The following SIGLEC8 variants were observed in gnomAD, a reference collection of about 807,000 sequenced individuals.
The protein encoded by SIGLEC8 is sialic acid binding Ig like lectin 8.
In SIGLEC8, 32 loss-of-function variants were observed where a neutral mutation model predicts 42.1. The observed-to-expected ratio is 0.76, with a 90% CI of 0.57 to 1.02. SIGLEC8 has a LOEUF of 1.02. Among genes scored for constraint, SIGLEC8 ranks in the 50% least tolerant of loss-of-function variants. The probability of loss-of-function intolerance (pLI) is 0.00; values close to 1 mark genes in which losing one functional copy is unlikely to be tolerated. For synonymous variants in SIGLEC8, 262 were observed against 260.3 expected (o/e 1.01, Z -0.06); for missense variants, 611 against 610.2 (o/e 1.00, Z -0.01).
At chr19:51,455,867 C>T (rs949752408) in intron 3 of SIGLEC8, among the ~76,000 whole-genome samples, 180 bp from the exon 4 acceptor site, 4 of 152,160 alleles carry the variant, frequency 2.6e-5, no homozygotes, top group African/African-American at 4.8e-5. Flanking sequence ...AAATGTGGCA[C>T]ATATACACCA....
At position 51,454,453 on chromosome 19, in the gene SIGLEC8, C is replaced by G; in HGVS notation, c.1149-138G>C. ...CGGCGGTGGTCCAGTTCCAGAGACC[C>G]CAACGGTGAAAACAGAGGCTCCTGC... On this transcript the variant is annotated intron_variant, in intron 5 of 6. Transcript: ENST00000321424. This position sits in a 1 kb window ranked among gnomAD's most constrained non-coding sequence, Gnocchi z 4.7. 1 of 1,501,264 alleles carries G rather than the reference C, an allele frequency of 6.7e-7. No homozygotes were observed. The highest frequency in any genetic ancestry group is 9.1e-7 in the Non-Finnish European group (1 of 1,104,180). 93.0% of individuals were successfully genotyped at this position (1,501,264 alleles called of 1,614,324 possible). A position where few individuals can be genotyped will look rare whatever the true frequency, so the allele number is the denominator to read the frequency against.
Position 51,458,166 on chromosome 19 carries a change from G to A in SIGLEC8, c.222C>T (p.Tyr74=). ...GYWFRAGDRP[Y]QDAPVATNNP... The stretch of plus-strand genomic sequence containing the variant: ...TGTTTGTGGCCACTGGAGCGTCTTG[G>A]TATGGTCTGTCTCCTGCCCGGAACC... The change falls in exon 1 of 7, where the codon TAC becomes TAT. Residue 74 remains tyrosine, a synonymous_variant. Transcript: ENST00000321424. 5 of 1,614,106 alleles carry A rather than the reference G, an allele frequency of 3.1e-6. No individual in the cohort carries two copies. The highest frequency in any genetic ancestry group is 4.2e-6 in the Non-Finnish European group (5 of 1,180,016).
Position 51,454,426 on chromosome 19 carries a change from A to C in SIGLEC8, c.1149-111T>G. On this transcript the variant is annotated intron_variant, in intron 5 of 6. Coordinates refer to ENST00000321424, the MANE Select transcript of SIGLEC8 (RefSeq NM_014442.3). The surrounding 1 kb of genome is among the most constrained non-coding windows in gnomAD (Gnocchi z 4.7). ...GGGGCTTGAGGGGTGACCGAGGCGC[A>C]ACGGCGGTGGTCCAGTTCCAGAGAC... 6.3e-7 allele frequency: 1 copy of C among 1,583,420 alleles called. No homozygotes were observed. The highest frequency in any genetic ancestry group is 2.2e-5 in the East Asian group (1 of 44,494).
intron 6 of SIGLEC8, chr19:51,453,951 T>A: frequency 1.0e-6 from 1 of 983,426 alleles, no homozygotes; most frequent in African/African-American, 1.8e-5. Context: ...GGAGGAAAAA[T>A]GGAGGAGAGA....
rs892350899 is a variant in SIGLEC8, at chr19:51,454,336, G to A, written c.1149-21C>T. Reference sequence around the variant, plus strand: ...TCACTCTGAGTGAAGAGACCAGAGAGCCTTTCAGTGTGGTCAGATCGGGGT... The same window carrying A: ...TCACTCTGAGTGAAGAGACCAGAGAACCTTTCAGTGTGGTCAGATCGGGGT... On this transcript the variant is annotated intron_variant, in intron 5 of 6. Transcript: ENST00000321424. This position sits in a 1 kb window ranked among gnomAD's most constrained non-coding sequence, Gnocchi z 4.7. The A allele has an allele frequency of 6.2e-7, 1 of 1,612,758 alleles. No homozygotes were observed. Among genetic ancestry groups the A allele is most frequent in the African/African-American group, 1.3e-5 (1 of 74,978 alleles).
Position 51,454,551 on chromosome 19 carries a change from C to G in SIGLEC8, c.1148+133G>C. 1 of 1,006,438 alleles carries G rather than the reference C, an allele frequency of 9.9e-7. No homozygotes were observed. Among genetic ancestry groups the G allele is most frequent in the Admixed American group, 2.2e-5 (1 of 45,070 alleles). 62.3% of individuals were successfully genotyped at this position (1,006,438 alleles called of 1,614,324 possible). A position where few individuals can be genotyped will look rare whatever the true frequency, so the allele number is the denominator to read the frequency against. On this transcript the variant is annotated intron_variant, in intron 5 of 6. Transcript: ENST00000321424. The surrounding 1 kb of genome is among the most constrained non-coding windows in gnomAD (Gnocchi z 4.7). ...GACAAGGACGCTCGTGAAATGCTCA[C>G]CGTGCACCCGTGAGCTCATTCTTGC...
At chr19:51,456,444 T>G (rs559694316) in intron 3 of SIGLEC8, among the ~76,000 whole-genome samples, 1 of 152,312 alleles carries the variant, frequency 6.6e-6, no homozygotes, top group South Asian at 2.1e-4. Flanking sequence ...ACTGGTATAT[T>G]TTGCTTTTAG....
In SIGLEC8 at chr19:51,452,463, C is replaced by G; in HGVS notation, c.1416G>C (p.Glu472Asp). 1 of 1,612,912 alleles carries G rather than the reference C, an allele frequency of 6.2e-7. No homozygotes were observed. Among genetic ancestry groups the G allele is most frequent in the Non-Finnish European group, 8.5e-7 (1 of 1,178,976 alleles). The change falls in exon 7 of 7, where the codon GAG becomes GAC. Residue 472 changes from glutamate (E) to aspartate (D), a missense_variant. By Grantham distance (45) the Glu-to-Asp change is conservative (BLOSUM62 2). Transcript: ENST00000321424. ...GQEATDSEYS[E>D]IKIHKRETAE... ...CAGTTTCTCGCTTGTGGATCTTGATCTCCGAGTATTCACTGTCAGTGGCCT... is the reference window on the plus strand; with the variant it reads ...CAGTTTCTCGCTTGTGGATCTTGATGTCCGAGTATTCACTGTCAGTGGCCT...
intron 1 of SIGLEC8, 77 bp from the exon 2 acceptor site, chr19:51,457,816 G>C: frequency 6.5e-7 from 1 of 1,547,628 alleles, no homozygotes; most frequent in Non-Finnish European, 8.7e-7. Context: ...CTCTGGTCCA[G>C]CTCCTCCCCG....
In SIGLEC8 at chr19:51,455,530, C is replaced by T; in HGVS notation, c.939G>A (p.Leu313=). The change falls in exon 4 of 7, where the codon CTG becomes CTA. Residue 313 remains leucine (L), a synonymous_variant. Coordinates refer to ENST00000321424, the MANE Select transcript of SIGLEC8 (RefSeq NM_014442.3). The part of the protein sequence containing the change: ...CPSRSSNPGL[L]ELPRVHVRDE... ...CCCTCACGTGCACTCGAGGCAGCTCCAGCAGCCCAGGGTTTGAGGACCGTG... is the reference window on the plus strand; with the variant it reads ...CCCTCACGTGCACTCGAGGCAGCTCTAGCAGCCCAGGGTTTGAGGACCGTG... 1 of 1,614,120 alleles carries T rather than the reference C, an allele frequency of 6.2e-7. No homozygotes were observed.
intron 3 of SIGLEC8, among the ~76,000 whole-genome samples, chr19:51,456,346 G>A (rs1422109215): frequency 2.0e-5 from 3 of 152,170 alleles, no homozygotes; most frequent in Non-Finnish European, 4.4e-5. Flanking sequence ...GCAGGAAAAC[G>A]CACACTCAGT....
At chr19:51,452,764 A>G (rs1989396510) in intron 6 of SIGLEC8, 131 bp from the exon 7 acceptor site, 2 of 801,738 alleles carry the variant, frequency 2.5e-6, no homozygotes, top group Non-Finnish European at 3.5e-6. Context: ...AGTGTCTTTC[A>G]TGCTTTCCTC....
chr19:51,456,524 G>A (rs1046852915), intron 3 of SIGLEC8, among the ~76,000 whole-genome samples: 1 of 152,210 alleles, frequency 6.6e-6, no homozygotes, highest in Non-Finnish European at 1.5e-5. Context: ...CAGTTTCTGC[G>A]GAAGGATATT....
At position 51,452,353 on chromosome 19, in the gene SIGLEC8, T is replaced by C; in HGVS notation, c.*26A>G. ...GGTGACCTACTGCATAGCATGGGGCTCTAGAGGGTTCTTGTTCTATGAGAA... is the reference window on the plus strand; with the variant it reads ...GGTGACCTACTGCATAGCATGGGGCCCTAGAGGGTTCTTGTTCTATGAGAA... On this transcript the variant is annotated 3_prime_UTR_variant, in exon 7 of 7. Coordinates refer to ENST00000321424, the MANE Select transcript of SIGLEC8 (RefSeq NM_014442.3). The C allele has an allele frequency of 6.3e-7, 1 of 1,576,554 alleles. No individual in the cohort carries two copies. Among genetic ancestry groups the C allele is most frequent in the Non-Finnish European group, 8.7e-7 (1 of 1,151,414 alleles).
intron 6 of SIGLEC8, chr19:51,453,507 C>T (rs181625991): frequency 2.2e-5 from 12 of 538,180 alleles, no homozygotes; most frequent in Non-Finnish European, 2.8e-5. Flanking sequence ...ACCAGCTGGC[C>T]GACATGGTGA....
chr19:51,456,732 G>C (rs77968403), intron 3 of SIGLEC8, among the ~76,000 whole-genome samples: 1,933 of 152,294 alleles, frequency 0.013, 42 homozygotes, highest in African/African-American at 0.044. Flanking sequence ...ATGGGCACTG[G>C]AGGACAGACT....
In SIGLEC8 at chr19:51,458,070, GT is replaced by G. The variant is rs748853556; in HGVS notation, c.317del (p.Asp106AlafsTer4). ...FQLLGDIWSNDCSLSIRDARK... is the reference protein window; with the variant it reads ...FQLLGDIWSNXCSLSIRDARK... Reference sequence around the variant, plus strand: ...TGGCGTCTCTGATGCTCAGGGAGCAGTCGTTGCTCCAAATGTCCCCAAGGAG... The same window carrying G: ...TGGCGTCTCTGATGCTCAGGGAGCAGCGTTGCTCCAAATGTCCCCAAGGAG... On this transcript the variant is annotated frameshift_variant, in exon 1 of 7. Coordinates refer to ENST00000321424, the MANE Select transcript of SIGLEC8 (RefSeq NM_014442.3). LOFTEE classifies it high-confidence loss of function. The G allele has an allele frequency of 1.9e-4, 300 of 1,614,016 alleles. No individual in the cohort carries two copies. Among genetic ancestry groups the G allele is most frequent in the Non-Finnish European group, 3.3e-5 (39 of 1,180,010 alleles).
Position 51,455,580 on chromosome 19 carries a change from G to A in SIGLEC8, c.889C>T (p.Arg297Trp), listed in dbSNP as rs745919880. The change falls in exon 4 of 7, where the codon CGG becomes TGG. Residue 297 changes from arginine (R) to tryptophan (W), a missense_variant. By Grantham distance (101) the Arg-to-Trp change is moderately radical. Coordinates refer to ENST00000321424, the MANE Select transcript of SIGLEC8 (RefSeq NM_014442.3). The stretch of plus-strand genomic sequence containing the variant: ...GAGGGGCACAGGGTCAGGCTCCCCC[G>A]GGTCCAGCTCAGCCTGGCAGGGGGA... ...SNPPARLSWT[R>W]GSLTLCPSRS... The A allele has an allele frequency of 1.6e-5, 26 of 1,614,104 alleles. No individual in the cohort carries two copies. Among genetic ancestry groups the A allele is most frequent in the East Asian group, 2.2e-5 (1 of 44,876 alleles).
In SIGLEC8 at chr19:51,452,360, G is replaced by GTTCTT; in HGVS notation, c.*18_*19insAAGAA. 6.3e-7 allele frequency: 1 copy of GTTCTT among 1,581,190 alleles called. No individual in the cohort carries two copies. The highest frequency in any genetic ancestry group is 8.7e-7 in the Non-Finnish European group (1 of 1,154,230). The stretch of plus-strand genomic sequence containing the variant: ...TACTGCATAGCATGGGGCTCTAGAG[G>GTTCTT]GTTCTTGTTCTATGAGAATCAGCCT... On this transcript the variant is annotated 3_prime_UTR_variant, in exon 7 of 7. Transcript: ENST00000321424.
Sources: gnomAD v4.1 joint callset for allele counts (sites outside exome capture counted in the v4.1 genomes callset) on GRCh38, gnomAD v4.1.1 for gene constraint, Gnocchi (gnomAD v3.1) non-coding constraint, MANE v1.5 for transcripts, NCBI Gene and HGNC (gene_info 2026-07-23, HGNC 2026-07-21) for gene names.